The following CHMP1A variants were observed in gnomAD, a reference collection of about 807,000 sequenced individuals.
CHMP1A encodes the protein VPS46 homolog A.
A neutral mutation model predicts 27.0 loss-of-function variants in CHMP1A; 17 were observed. The ratio of observed to expected loss-of-function variants is 0.63; its 90% CI spans 0.43 to 0.95. The LOEUF is 0.95. Ranked by LOEUF, CHMP1A falls within the 40% of genes least tolerant of loss-of-function variation. CHMP1A has a pLI of 0.00. For missense variants in CHMP1A, 275 were observed against 264.0 expected (o/e 1.04, Z -0.29); for synonymous variants, 131 against 107.5 (o/e 1.22, Z -1.35).
At position 89,653,833 on chromosome 16, in the gene CHMP1A, T is replaced by C. The variant is rs2059843530; in HGVS notation, c.27+71A>G. 26 of 1,480,070 alleles carry C rather than the reference T, an allele frequency of 1.8e-5. 1 individual carries two copies. The South Asian group carries it at 2.9e-4, about 17-fold the overall frequency. 91.7% of individuals were successfully genotyped at this position (1,480,070 alleles called of 1,614,324 possible). A position where few individuals can be genotyped will look rare whatever the true frequency, so the allele number is the denominator to read the frequency against. ...ATCTGCCCGACTGTTTCTGTGGCTC[T>C]GAGTGAGCGTGGCTTATACTATCTG... On this transcript the variant is annotated intron_variant, in intron 2 of 6. Coordinates refer to ENST00000397901, the MANE Select transcript of CHMP1A (RefSeq NM_002768.5).
In CHMP1A at chr16:89,646,044, G is replaced by A. The variant is rs752943661; in HGVS notation, c.*22C>T. 9 of 1,583,966 alleles carry A rather than the reference G, an allele frequency of 5.7e-6. No individual in the cohort carries two copies. The highest frequency in any genetic ancestry group is 3.7e-5 in the Admixed American group (2 of 54,654). On this transcript the variant is annotated 3_prime_UTR_variant, in exon 7 of 7. Coordinates refer to ENST00000397901, the MANE Select transcript of CHMP1A (RefSeq NM_002768.5). ...TTCCAGCACATCACGGGGCAGAGGC[G>A]GTGCACACCGGCGGGGCACGGCTAG... is the stretch of plus-strand genomic sequence containing the variant.
In CHMP1A at chr16:89,651,626, C is replaced by A; in HGVS notation, c.48G>T (p.Glu16Asp). 1 of 1,613,742 alleles carries A rather than the reference C, an allele frequency of 6.2e-7. No homozygotes were observed. The highest frequency in any genetic ancestry group is 8.5e-7 in the Non-Finnish European group (1 of 1,179,842). ...CCTTCTCCGCCTTCTTGGCCAGCTT[C>A]TCCAGCTGCTTCGCCGTGAACTGAG... ...FQLKFTAKQLEKLAKKAEKDS... is the reference protein window; with the variant it reads ...FQLKFTAKQLDKLAKKAEKDS... The change falls in exon 3 of 7, where the codon GAG becomes GAT. Residue 16 changes from glutamate (E) to aspartate (D), a missense_variant. Physicochemically the swap from Glu to Asp is conservative, Grantham distance 45. Coordinates refer to ENST00000397901, the MANE Select transcript of CHMP1A (RefSeq NM_002768.5).
intron 6 of CHMP1A, 119 bp downstream of exon 6, chr16:89,646,408 C>A (rs1307656897): frequency 1.5e-5 from 18 of 1,161,992 alleles, no homozygotes; most frequent in Non-Finnish European, 1.9e-5. Context: ...GAGATCAGGG[C>A]TCCCTGGTCG....
Position 89,646,540 on chromosome 16 carries a change from G to T in CHMP1A, c.556C>A (p.Gln186Lys). 1 of 1,584,198 alleles carries T rather than the reference G, an allele frequency of 6.3e-7. No individual in the cohort carries two copies. Among genetic ancestry groups the T allele is most frequent in the Non-Finnish European group, 8.6e-7 (1 of 1,166,110 alleles). ...GESSVRSQED[Q>K]LSRRLAALRN ...GACCGACCCTACCTCCGTGACAGCT[G>T]GTCCTCCTGGCTGCGCACAGAGCTC... is the stretch of plus-strand genomic sequence containing the variant. Residue 186 changes from glutamine (Q) to lysine (K), a missense_variant, in exon 6 of 7, where the codon CAG becomes AAG. By Grantham distance (53) the Gln-to-Lys change is moderately conservative. Coordinates refer to ENST00000397901, the MANE Select transcript of CHMP1A (RefSeq NM_002768.5).
At chr16:89,646,883 T>TGGCCCC in intron 5 of CHMP1A, 169 bp from the exon 6 acceptor site, 1 of 742,330 alleles carries the variant, frequency 1.3e-6, no homozygotes, top group Non-Finnish European at 2.3e-6. Flanking sequence ...GAGCCTTTCC[T>TGGCCCC]GCCCCCCCAC....
intron 1 of CHMP1A, among the ~76,000 whole-genome samples, chr16:89,655,861 G>A (rs1302529858): frequency 6.6e-6 from 1 of 152,166 alleles, no homozygotes; most frequent in Non-Finnish European, 1.5e-5. Context: ...CCTGACCTCA[G>A]GTGATCAACC....
intron 1 of CHMP1A, 55 bp downstream of exon 1, chr16:89,657,527 G>C: frequency 6.2e-7 from 1 of 1,602,890 alleles, no homozygotes; most frequent in Non-Finnish European, 8.5e-7. Flanking sequence ...ACGCCAGTGG[G>C]AGAAGCGGCC....
At chr16:89,647,563 G>A (rs1292092108) in intron 4 of CHMP1A, among the ~76,000 whole-genome samples, 1 of 148,832 alleles carries the variant, frequency 6.7e-6, no homozygotes, top group Admixed American at 6.7e-5. Flanking sequence ...CGCCGACGTG[G>A]AGACCCAGTG....
Position 89,645,903 on chromosome 16 carries a change from C to T in CHMP1A, c.*163G>A, listed in dbSNP as rs1440759837. 5 of 1,600,384 alleles carry T rather than the reference C, an allele frequency of 3.1e-6. No individual in the cohort carries two copies. Among genetic ancestry groups the T allele is most frequent in the Non-Finnish European group, 4.3e-6 (5 of 1,174,854 alleles). ...AGACCCACCGCCCAACCTAAAAGAA[C>T]AGGAACAACCCTAAGGCCACGCAGG... On this transcript the variant is annotated 3_prime_UTR_variant, in exon 7 of 7. Transcript: ENST00000397901.
Position 89,653,020 on chromosome 16 carries a change from C to CTTTTCTTT in CHMP1A, c.27+883_27+884insAAAGAAAA, listed in dbSNP as rs1266826642. 3.6e-5 allele frequency among the ~76,000 whole-genome samples: 3 copies of CTTTTCTTT among 82,198 alleles called. No individual in the cohort carries two copies. The East Asian group carries it at 1.2e-3, about 33-fold the overall frequency. 53.9% of individuals were successfully genotyped at this position (82,198 alleles called of 152,430 possible). A position where few individuals can be genotyped will look rare whatever the true frequency, so the allele number is the denominator to read the frequency against. ...AAGTTGTCTTTTTTTTTTTTCTTTT[C>CTTTTCTTT]TTTTTTTTTTTTTTTTTTTGAGACG... On this transcript the variant is annotated intron_variant, in intron 2 of 6. Coordinates refer to ENST00000397901, the MANE Select transcript of CHMP1A (RefSeq NM_002768.5).
intron 4 of CHMP1A, among the ~76,000 whole-genome samples, chr16:89,647,615 G>A (rs571892354): frequency 1.7e-5 from 2 of 117,652 alleles, no homozygotes; most frequent in South Asian, 2.8e-4. Flanking sequence ...GAGACCCAGT[G>A]CGGGGTCGGT....
chr16:89,653,020 CTTTTT>C (rs746886149), intron 2 of CHMP1A, among the ~76,000 whole-genome samples: 1 of 82,192 alleles, frequency 1.2e-5, no homozygotes, highest in Non-Finnish European at 2.3e-5. Flanking sequence ...TTTTTCTTTT[CTTTTT>C]TTTTTTTTTT....
chr16:89,651,173 T>A (rs1200070120), intron 3 of CHMP1A, among the ~76,000 whole-genome samples: 1 of 151,520 alleles, frequency 6.6e-6, no homozygotes. Flanking sequence ...AGGATAAGAG[T>A]TCGAGACCGG....
In CHMP1A at chr16:89,644,774, C is replaced by T. The variant is rs1269056669; in HGVS notation, c.*1292G>A. 6.6e-6 allele frequency: 1 copy of T among 152,428 alleles called. No individual in the cohort carries two copies. Among genetic ancestry groups the T allele is most frequent in the Non-Finnish European group, 1.5e-5 (1 of 68,062 alleles). The allele number at this position is 152,428 out of a possible 1,614,324, so 9.4% of individuals were successfully genotyped here. On this transcript the variant is annotated 3_prime_UTR_variant, in exon 7 of 7. Coordinates refer to ENST00000397901, the MANE Select transcript of CHMP1A (RefSeq NM_002768.5). The stretch of plus-strand genomic sequence containing the variant: ...CGTAACACCCACGACACCACTGCAG[C>T]CTCAGCATGGGCTGCACGGGGTGGG...
intron 2 of CHMP1A, 76 bp downstream of exon 2, chr16:89,653,828 G>T: frequency 6.9e-7 from 1 of 1,440,518 alleles, no homozygotes; most frequent in Non-Finnish European, 9.8e-7. Flanking sequence ...CTGTTTCTGT[G>T]GCTCTGAGTG....
At chr16:89,649,824 C>T (rs954811556) in intron 3 of CHMP1A, among the ~76,000 whole-genome samples, 4 of 152,214 alleles carry the variant, frequency 2.6e-5, no homozygotes. Flanking sequence ...GATCTGCCCG[C>T]CTCGGCCTCC....
At chr16:89,649,222 C>T in intron 4 of CHMP1A, 129 bp downstream of exon 4, 15 of 1,054,988 alleles carry the variant, frequency 1.4e-5, no homozygotes, top group Non-Finnish European at 1.9e-5. Context: ...ATCCAGCTTC[C>T]CTCAACCTCC....
At position 89,645,749 on chromosome 16, in the gene CHMP1A, T is replaced by C; in HGVS notation, c.*317A>G. On this transcript the variant is annotated 3_prime_UTR_variant, in exon 7 of 7. Transcript: ENST00000397901. ...GGCTGATGGGAAGCAGCATGTCTGC[T>C]GCCCCAGAGTCTGAAGGCCCCCACA... 2 of 577,498 alleles carry C rather than the reference T, an allele frequency of 3.5e-6. No individual in the cohort carries two copies. The highest frequency in any genetic ancestry group is 5.6e-6 in the Non-Finnish European group (2 of 356,572). 35.8% of individuals were successfully genotyped at this position (577,498 alleles called of 1,614,324 possible).
chr16:89,657,294 G>C (rs1320537025), intron 1 of CHMP1A, among the ~76,000 whole-genome samples: 1 of 150,144 alleles, frequency 6.7e-6, no homozygotes, highest in Non-Finnish European at 1.5e-5. Flanking sequence ...CCCTGGGGAA[G>C]GGGTTCCGGG....
Sources: gnomAD v4.1 joint callset for allele counts (sites outside exome capture counted in the v4.1 genomes callset) on GRCh38, gnomAD v4.1.1 for gene constraint, MANE v1.5 for transcripts, NCBI Gene and HGNC (gene_info 2026-07-23, HGNC 2026-07-21) for gene names.